GNG4: variants seen among roughly 807,000 people sequenced by gnomAD.
GNG4 encodes guanine nucleotide-binding protein G(I)/G(S)/G(O) subunit gamma-4.
Under a neutral mutation model 5.8 loss-of-function variants are expected in GNG4, and 4 were observed. The ratio of observed to expected loss-of-function variants is 0.69; its 90% confidence interval spans 0.34 to 1.57. The LOEUF is 1.57. Among genes scored for constraint, GNG4 ranks in the 40% most tolerant of loss-of-function variants. GNG4 has a pLI of 0.06. For synonymous variants in GNG4, 29 were observed against 32.9 expected, an observed-to-expected ratio of 0.88 and a Z score of 0.41; for missense variants, 96 against 95.1, an observed-to-expected ratio of 1.01 and a Z score of -0.04.
At chr1:235,552,303 G>T (rs1686775597) in intron 3 of GNG4, 66 bp from the exon 4 acceptor site, 11 of 1,458,662 alleles carry the variant, frequency 7.5e-6, no homozygotes, top group Non-Finnish European at 8.6e-6. Flanking sequence ...CAGGGAAGAG[G>T]TGTCCACGTA....
rs57273982 is a variant in GNG4 at position 235,600,438 on chromosome 1, GTATA to G, written c.-122-4931_-122-4928del. Among the ~76,000 whole-genome samples, 389 of 136,238 alleles carry G rather than the reference GTATA, an allele frequency of 2.9e-3. 1 individual carries two copies. Among genetic ancestry groups the G allele is most frequent in the Middle Eastern group, 0.019 (5 of 270 alleles). The allele number at this position is 136,238 out of a possible 152,430, so 89.4% of individuals were successfully genotyped here. A position where few individuals can be genotyped will look rare whatever the true frequency, so the allele number is the denominator to read the frequency against. On this transcript the variant is annotated intron_variant, in intron 1 of 3. Transcript: ENST00000391854. ...CTTTTGTGTGTGTGTGTGTGTGTGTGTATATGTGTGTGTGTGTAAGAGAGAGGGT... is the reference window on the plus strand; with the variant it reads ...CTTTTGTGTGTGTGTGTGTGTGTGTGTGTGTGTGTGTGTAAGAGAGAGGGT...
At chr1:235,566,676 G>A (rs924781877) in intron 3 of GNG4, 1 of 152,588 alleles carries the variant, frequency 6.6e-6, no homozygotes, top group African/African-American at 2.4e-5. Context: ...AGGAGAGACT[G>A]AGGAAAATGG....
At chr1:235,590,591 C>A (rs1385916804) in intron 2 of GNG4, among the ~76,000 whole-genome samples, 1 of 152,200 alleles carries the variant, frequency 6.6e-6, no homozygotes. Flanking sequence ...ACGGTCTCTG[C>A]TCTGCTGCCC....
rs560989597 is a variant in GNG4, at chr1:235,628,196, G to GACA, written c.-123+21463_-123+21465dup. ...ACTCTGTCTCAACAACAACAACAAA[G>GACA]ACAACAACAACAACAACAACAAAAA... On this transcript the variant is annotated intron_variant, in intron 1 of 3. Transcript: ENST00000391854. Among the ~76,000 whole-genome samples the GACA allele has an allele frequency of 3.6e-3, 544 of 151,212 alleles. 1 individual carries two copies. Among genetic ancestry groups the GACA allele is most frequent in the Non-Finnish European group, 5.9e-3 (400 of 67,944 alleles).
chr1:235,585,279 A>C (rs997641001), intron 2 of GNG4, among the ~76,000 whole-genome samples: 1 of 150,240 alleles, frequency 6.7e-6, no homozygotes, highest in Non-Finnish European at 1.5e-5. Flanking sequence ...GGTCTCTGTC[A>C]TCCAAGCTGT....
At chr1:235,650,336 C>T (rs868091132), upstream of GNG4, among the ~76,000 whole-genome samples, 353 of 70,472 alleles carry the variant, frequency 5.0e-3, 1 homozygote, top group Admixed American at 8.1e-3. Flanking sequence ...GGGGAAATCA[C>T]CGGAGGGGTC....
At chr1:235,575,587 CA>C (rs1347093151) in intron 3 of GNG4, among the ~76,000 whole-genome samples, 1 of 152,254 alleles carries the variant, frequency 6.6e-6, no homozygotes, top group East Asian at 1.9e-4. Flanking sequence ...ATTGTGAGCA[CA>C]CCCACCCCAC....
rs967440499 is a variant in GNG4, at chr1:235,576,702, T to TG, written c.99+7037dup. On this transcript the variant is annotated intron_variant, in intron 3 of 3. Transcript: ENST00000391854. ...AGGCAAGATGAAGAGTCACATGGAG[T>TG]GGGGGTGGTAATTTGGGAGAAGGGC... Among the ~76,000 whole-genome samples the TG allele has an allele frequency of 4.6e-5, 7 of 151,704 alleles. No homozygotes were observed. The East Asian group carries it at 9.7e-4, about 21-fold the overall frequency.
chr1:235,574,734 T>C (rs1476499872), intron 3 of GNG4, among the ~76,000 whole-genome samples: 4 of 111,056 alleles, frequency 3.6e-5, no homozygotes, highest in Non-Finnish European at 2.2e-5. Flanking sequence ...AAAAAATAGC[T>C]CTTTCTCTTT....
chr1:235,593,069 C>T (rs964163711), intron 2 of GNG4, among the ~76,000 whole-genome samples: 2 of 152,072 alleles, frequency 1.3e-5, no homozygotes, highest in Non-Finnish European at 2.9e-5. Context: ...CTGCCTCAGC[C>T]TCCTGAGTAG....
intron 3 of GNG4, among the ~76,000 whole-genome samples, chr1:235,555,970 C>CAGG (rs1416542158): frequency 6.6e-6 from 1 of 151,948 alleles, no homozygotes. Flanking sequence ...TGGTTTCAAA[C>CAGG]AGTTTTCCTG....
chr1:235,613,638 G>A (rs980295530), intron 1 of GNG4, among the ~76,000 whole-genome samples: 2 of 152,124 alleles, frequency 1.3e-5, no homozygotes, highest in South Asian at 2.1e-4. Context: ...AAGGCAAGAA[G>A]GATTTTCTCC....
At chr1:235,600,442 ATG>A (rs1351849561) in intron 1 of GNG4, among the ~76,000 whole-genome samples, 2 of 76,370 alleles carry the variant, frequency 2.6e-5, no homozygotes, top group African/African-American at 1.0e-4. Flanking sequence ...GTGTGTGTAT[ATG>A]TGTGTGTGTG....
chr1:235,619,821 T>C (rs1482692215), intron 1 of GNG4, among the ~76,000 whole-genome samples: 8 of 152,244 alleles, frequency 5.3e-5, no homozygotes, highest in African/African-American at 1.4e-4. Flanking sequence ...CACATCGATG[T>C]ATTAAATGTA....
chr1:235,578,051 T>C (rs1238357863), intron 3 of GNG4, among the ~76,000 whole-genome samples: 1 of 152,138 alleles, frequency 6.6e-6, no homozygotes, highest in African/African-American at 2.4e-5. Context: ...CTTTTCTTTT[T>C]TTTTCTTTCA....
At chr1:235,610,660 G>T (rs1458384402) in intron 1 of GNG4, among the ~76,000 whole-genome samples, 3 of 152,102 alleles carry the variant, frequency 2.0e-5, no homozygotes, top group South Asian at 2.1e-4. Context: ...TATCATTTTT[G>T]ATTAATTTCT....
At chr1:235,588,025 G>A (rs1023689356) in intron 2 of GNG4, among the ~76,000 whole-genome samples, 9 of 151,898 alleles carry the variant, frequency 5.9e-5, no homozygotes, top group South Asian at 2.1e-4. Context: ...TCTCAGTCCC[G>A]TCAGGCCCCT....
At chr1:235,602,006 TCACGCCTGTAATCC>T (rs888548079) in intron 1 of GNG4, among the ~76,000 whole-genome samples, 1 of 152,098 alleles carries the variant, frequency 6.6e-6, no homozygotes, top group Non-Finnish European at 1.5e-5. Context: ...GCACAGTGGC[TCACGCCTGTAATCC>T]CAGCACTTTG....
intron 1 of GNG4, among the ~76,000 whole-genome samples, chr1:235,627,990 G>A (rs1216376782): frequency 2.0e-5 from 3 of 152,096 alleles, no homozygotes; most frequent in African/African-American, 4.8e-5. Context: ...ATACCAGCCC[G>A]ACGAACATGA....
Sources: gnomAD v4.1 joint callset for allele counts (sites outside exome capture counted in the v4.1 genomes callset) on GRCh38, gnomAD v4.1.1 for gene constraint, MANE v1.5 for transcripts, NCBI Gene and HGNC (gene_info 2026-07-23, HGNC 2026-07-21) for gene names.